The following SEPTIN9 variants were observed in gnomAD, a reference collection of about 807,000 sequenced individuals.
SEPTIN9 encodes the protein septin 9.
Under a neutral mutation model 56.6 loss-of-function variants are expected in SEPTIN9, and 13 were observed. The observed-to-expected ratio is 0.23, with a 90% CI of 0.15 to 0.37. SEPTIN9 has a LOEUF of 0.37. Among genes scored for constraint, SEPTIN9 ranks in the 10% least tolerant of loss-of-function variants. The probability of loss-of-function intolerance (pLI) is 1.00; values close to 1 mark genes in which losing one functional copy is unlikely to be tolerated. For missense variants in SEPTIN9, 650 were observed against 823.1 expected (o/e 0.79, Z 2.57); for synonymous variants, 332 against 334.1 (o/e 0.99, Z 0.07).
At chr17:77,428,860 A>G in intron 3 of SEPTIN9, 1 of 397,466 alleles carries the variant, frequency 2.5e-6, no homozygotes. Context: ...TCAGAAGCTG[A>G]TAAGCAGGTT....
chr17:77,367,758 G>C lies in SEPTIN9; in HGVS notation c.77-34301G>C, dbSNP rs2034613226. ...TCCGATCTGGGAGGCGGAGGTTGCA[G>C]TGAGCCGAGATCACGCCACTACACT... On this transcript the variant is annotated intron_variant, in intron 2 of 11. Coordinates refer to ENST00000427177, the MANE Select transcript of SEPTIN9 (RefSeq NM_001113491.2). This position sits in a 1 kb window ranked among gnomAD's most constrained non-coding sequence, Gnocchi z 4.5. 6.6e-6 allele frequency among the ~76,000 whole-genome samples: 1 copy of C among 152,188 alleles called. No homozygotes were observed. Among genetic ancestry groups the C allele is most frequent in the South Asian group, 2.1e-4 (1 of 4,832 alleles).
intron 3 of SEPTIN9, chr17:77,419,857 T>G (rs2036636358): frequency 1.3e-5 from 2 of 152,340 alleles, no homozygotes; most frequent in African/African-American, 4.8e-5. Context: ...TTCAGGAGGC[T>G]GCATCCCCCA....
At chr17:77,447,926 C>T (rs1568076307) in intron 3 of SEPTIN9, among the ~76,000 whole-genome samples, 1 of 152,200 alleles carries the variant, frequency 6.6e-6, no homozygotes, top group South Asian at 2.1e-4. Context: ...CACCTGGCCA[C>T]ATTCATTTCT....
chr17:77,346,638 A>G (rs1024985631), intron 2 of SEPTIN9, among the ~76,000 whole-genome samples: 11 of 152,104 alleles, frequency 7.2e-5, no homozygotes, highest in Non-Finnish European at 1.2e-4. Flanking sequence ...AAAAATATGT[A>G]TATATATTCT....
intron 2 of SEPTIN9, chr17:77,373,278 G>C: frequency 8.7e-7 from 1 of 1,153,820 alleles, no homozygotes; most frequent in Non-Finnish European, 1.1e-6. Flanking sequence ...CGCCCGGGAG[G>C]CGGGGGCGGG....
rs1163418727 is a variant in SEPTIN9 at position 77,475,958 on chromosome 17, G to T, written c.722-6186G>T. On this transcript the variant is annotated intron_variant, in intron 3 of 11. Transcript: ENST00000427177. This position sits in a 1 kb window ranked among gnomAD's most constrained non-coding sequence, Gnocchi z 4.6. ...TGCTCTGAGAGCCAGGTGTGGGTTG[G>T]GTTTGGGGAAGACAGGGGAATGGCA... 11 of 1,561,574 alleles carry T rather than the reference G, an allele frequency of 7.0e-6. 1 individual carries two copies. Among genetic ancestry groups the T allele is most frequent in the Middle Eastern group, 1.7e-4 (1 of 5,840 alleles).
rs1369834 is a variant in SEPTIN9 at position 77,349,757 on chromosome 17, A to G, written c.76+42560A>G. Among the ~76,000 whole-genome samples the G allele has an allele frequency of 3.3e-3, 504 of 152,182 alleles. 5 individuals are homozygous for G. The highest frequency in any genetic ancestry group is 0.011 in the African/African-American group (475 of 41,502). ...TCTATACTGACTCCAGGCTGTTGTTATTTTGTTCTTTCAAATATTTTGTCC... is the reference window on the plus strand; with the variant it reads ...TCTATACTGACTCCAGGCTGTTGTTGTTTTGTTCTTTCAAATATTTTGTCC... On this transcript the variant is annotated intron_variant, in intron 2 of 11. Coordinates refer to ENST00000427177, the MANE Select transcript of SEPTIN9 (RefSeq NM_001113491.2).
intron 2 of SEPTIN9, among the ~76,000 whole-genome samples, chr17:77,336,347 A>G (rs1392693363): frequency 2.6e-5 from 4 of 152,038 alleles, no homozygotes; most frequent in Non-Finnish European, 5.9e-5. Flanking sequence ...AACAATATTG[A>G]GTCTTTTGTA....
At position 77,429,668 on chromosome 17, in the gene SEPTIN9, C is replaced by G. The variant is rs374336224; in HGVS notation, c.721+26965C>G. The stretch of plus-strand genomic sequence containing the variant: ...GGATAATGAGCTGGAGGGTGCTGGG[C>G]AGGAGCTGGCCAGTAATAGGCTGAC... On this transcript the variant is annotated intron_variant, in intron 3 of 11. Transcript: ENST00000427177. This position sits in a 1 kb window ranked among gnomAD's most constrained non-coding sequence, Gnocchi z 5.2. Among the ~76,000 whole-genome samples the G allele has an allele frequency of 6.6e-6, 1 of 152,062 alleles. No individual in the cohort carries two copies. Among genetic ancestry groups the G allele is most frequent in the Non-Finnish European group, 1.5e-5 (1 of 68,000 alleles).
chr17:77,338,872 C>T (rs1395476335), intron 2 of SEPTIN9, among the ~76,000 whole-genome samples: 3 of 152,316 alleles, frequency 2.0e-5, no homozygotes, highest in Non-Finnish European at 2.9e-5. Context: ...ACGGATTGAT[C>T]AAATAAGTTG....
intron 1 of SEPTIN9, among the ~76,000 whole-genome samples, chr17:77,303,988 A>G (rs951401343): frequency 1.1e-4 from 16 of 152,174 alleles, no homozygotes; most frequent in Admixed American, 2.6e-4. Flanking sequence ...CTAGATTTCA[A>G]TTGTCTTCTC....
chr17:77,427,206 G>A (rs1354858659), intron 3 of SEPTIN9: 1 of 152,318 alleles, frequency 6.6e-6, no homozygotes, highest in Non-Finnish European at 1.5e-5. Context: ...GTGCCGGTGA[G>A]TGTGGGGTGA....
intron 10 of SEPTIN9, 166 bp from the exon 11 acceptor site, chr17:77,497,149 G>A: frequency 1.4e-6 from 1 of 711,530 alleles, no homozygotes; most frequent in Non-Finnish European, 2.6e-6. Context: ...AGTGCCAGGT[G>A]TCCTATACTC....
At chr17:77,308,945 G>A (rs1208099234) in intron 2 of SEPTIN9, among the ~76,000 whole-genome samples, 1 of 152,258 alleles carries the variant, frequency 6.6e-6, no homozygotes, top group African/African-American at 2.4e-5. Context: ...GGAGGCCCCT[G>A]GGCAGCTGCA....
At chr17:77,366,032 G>T (rs1396670969) in intron 2 of SEPTIN9, among the ~76,000 whole-genome samples, 2 of 152,072 alleles carry the variant, frequency 1.3e-5, no homozygotes, top group African/African-American at 2.4e-5. Context: ...AAGGGCCCCA[G>T]GGACAGCCTG....
intron 2 of SEPTIN9, among the ~76,000 whole-genome samples, chr17:77,347,559 C>G (rs575353932): frequency 6.6e-6 from 1 of 151,820 alleles, no homozygotes; most frequent in East Asian, 2.0e-4. Flanking sequence ...TCCTTTATCT[C>G]GTAATAATTT....
At chr17:77,354,220 C>T (rs1389277831) in intron 2 of SEPTIN9, among the ~76,000 whole-genome samples, 1 of 152,192 alleles carries the variant, frequency 6.6e-6, no homozygotes, top group Non-Finnish European at 1.5e-5. Context: ...TGTTTCATGA[C>T]AACCCTGTGA....
intron 2 of SEPTIN9, among the ~76,000 whole-genome samples, chr17:77,324,154 C>A (rs1053421590): frequency 6.6e-6 from 1 of 152,188 alleles, no homozygotes; most frequent in Non-Finnish European, 1.5e-5. Context: ...AAATCTCCCC[C>A]TGTCTGTCTC....
chr17:77,413,455 A>G (rs1055473106), intron 3 of SEPTIN9, among the ~76,000 whole-genome samples: 3 of 152,154 alleles, frequency 2.0e-5, no homozygotes, highest in Admixed American at 6.6e-5. Context: ...TAGCTCGCTT[A>G]GTGAGGACAG....
Sources: gnomAD v4.1 joint callset for allele counts (sites outside exome capture counted in the v4.1 genomes callset) on GRCh38, gnomAD v4.1.1 for gene constraint, Gnocchi (gnomAD v3.1) non-coding constraint, MANE v1.5 for transcripts, NCBI Gene and HGNC (gene_info 2026-07-23, HGNC 2026-07-21) for gene names.